Variants in ZNF486 observed in about 807,000 individuals in gnomAD.
The protein encoded by ZNF486 is KRAB box only protein 2.
Under a neutral mutation model 12.8 loss-of-function variants are expected in ZNF486, and 12 were observed. That is an observed-to-expected ratio of 0.94 (90% CI 0.60 to 1.52). The LOEUF (loss-of-function observed/expected upper bound fraction) is 1.52, where lower values mean the gene tolerates loss of function less well. Ranked by LOEUF, ZNF486 falls within the 40% of genes most tolerant of loss-of-function variation. The pLI, the probability that ZNF486 is intolerant of heterozygous loss-of-function variation, is 0.00. For synonymous variants in ZNF486, 231 were observed against 184.9 expected (o/e 1.25, Z -2.02); for missense variants, 738 against 545.0 (o/e 1.35, Z -3.53).
At chr19:20,187,725 G>A (rs1289485382) in intron 3 of ZNF486, among the ~76,000 whole-genome samples, 2 of 151,926 alleles carry the variant, frequency 1.3e-5, no homozygotes, top group East Asian at 1.9e-4. Context: ...GGATGGTCTC[G>A]ATCTCCTGAC....
chr19:20,178,118 G>A (rs1281390135), intron 1 of ZNF486, among the ~76,000 whole-genome samples: 2 of 149,096 alleles, frequency 1.3e-5, no homozygotes, highest in Non-Finnish European at 3.0e-5. Flanking sequence ...TAGTAGAGAT[G>A]GGTTTTACCA....
rs563600608 is a variant in ZNF486 at position 20,173,657 on chromosome 19, A to T, written c.30+6297A>T. Among the ~76,000 whole-genome samples, 9 of 152,084 alleles carry T rather than the reference A, an allele frequency of 5.9e-5. No homozygotes were observed. In the East Asian group the frequency reaches 1.6e-3, roughly 26 times the overall value. On this transcript the variant is annotated intron_variant, in intron 1 of 3. Coordinates refer to ENST00000335117, the MANE Select transcript of ZNF486 (RefSeq NM_052852.4). ...CATCCTGGCTAACATAGTGATACCC[A>T]TCTCTACTAAAAATACAAAAAAAAA...
chr19:20,197,547 T>C lies in ZNF486; in HGVS notation c.837T>C (p.Tyr279=), dbSNP rs1555718244. 12 of 1,608,336 alleles carry C rather than the reference T, an allele frequency of 7.5e-6. No homozygotes were observed. The highest frequency in any genetic ancestry group is 1.0e-5 in the Non-Finnish European group (12 of 1,178,066). ...EECGKAFMYP[Y]TLTTHKIIHT... ...GTGGCAAAGCCTTTATGTACCCCTA[T>C]ACCCTTACTACACATAAGATAATCC... The change falls in exon 4 of 4, where the codon TAT becomes TAC. Residue 279 remains tyrosine (Y), a synonymous_variant. Transcript: ENST00000335117.
At chr19:20,173,326 C>G (rs534946514) in intron 1 of ZNF486, among the ~76,000 whole-genome samples, 63 of 152,230 alleles carry the variant, frequency 4.1e-4, no homozygotes, top group Admixed American at 1.0e-3. Flanking sequence ...GAGAATCCTT[C>G]CCACATTTCT....
rs78272693 is a variant in ZNF486 at position 20,182,684 on chromosome 19, G to C, written c.31-1672G>C. On this transcript the variant is annotated intron_variant, in intron 1 of 3. Transcript: ENST00000335117. Reference sequence around the variant, plus strand: ...GAGGGCACCTGAGGACAGGAAATGAGAAACTTATATTTCTATCTTCATGGA... The same window carrying C: ...GAGGGCACCTGAGGACAGGAAATGACAAACTTATATTTCTATCTTCATGGA... 7.8e-3 allele frequency among the ~76,000 whole-genome samples: 1,190 copies of C among 152,228 alleles called. 16 individuals are homozygous for C. The highest frequency in any genetic ancestry group is 0.027 in the African/African-American group (1,130 of 41,532).
rs574935076 is a variant in ZNF486 at position 20,194,677 on chromosome 19, A to C, written c.254-2287A>C. The stretch of plus-strand genomic sequence containing the variant: ...CGGGAGTTGGAGGTTGCAGTGAGCC[A>C]AGATTGCATCATTGCACTCCAGCTT... On this transcript the variant is annotated intron_variant, in intron 3 of 3. Transcript: ENST00000335117. Among the ~76,000 whole-genome samples the C allele has an allele frequency of 6.8e-4, 103 of 152,252 alleles. 1 individual carries two copies. The South Asian group carries it at 0.02, about 30-fold the overall frequency.
intron 1 of ZNF486, among the ~76,000 whole-genome samples, chr19:20,179,273 A>T (rs1373091368): frequency 6.6e-6 from 1 of 152,226 alleles, no homozygotes; most frequent in East Asian, 1.9e-4. Flanking sequence ...TCTAATCAAT[A>T]ATCAATGTTA....
intron 1 of ZNF486, among the ~76,000 whole-genome samples, chr19:20,179,566 T>A (rs2089762011): frequency 6.6e-6 from 1 of 152,102 alleles, no homozygotes; most frequent in African/African-American, 2.4e-5. Flanking sequence ...CCACTTGGTG[T>A]AACACAAAAG....
intron 1 of ZNF486, among the ~76,000 whole-genome samples, chr19:20,171,038 T>C (rs1456178526): frequency 1.3e-5 from 2 of 152,160 alleles, no homozygotes; most frequent in Admixed American, 6.5e-5. Flanking sequence ...GTGAGGACAA[T>C]GTTGTGGGAC....
intron 1 of ZNF486, among the ~76,000 whole-genome samples, chr19:20,179,454 T>C (rs546963054): frequency 6.6e-6 from 1 of 152,304 alleles, no homozygotes; most frequent in East Asian, 1.9e-4. Flanking sequence ...CCAAATAAAC[T>C]GTCTACTTAT....
chr19:20,185,403 T>TG (rs2089831073), intron 2 of ZNF486, among the ~76,000 whole-genome samples: 1 of 142,874 alleles, frequency 7.0e-6, no homozygotes, highest in South Asian at 2.2e-4. Context: ...GTATTGTTTA[T>TG]GTTTTTTTTT....
chr19:20,193,817 T>C (rs967254088), intron 3 of ZNF486, among the ~76,000 whole-genome samples: 1 of 152,144 alleles, frequency 6.6e-6, no homozygotes, highest in Non-Finnish European at 1.5e-5. Flanking sequence ...TGTGTTTTTT[T>C]AATTTTTTGT....
intron 3 of ZNF486, among the ~76,000 whole-genome samples, chr19:20,196,610 A>G (rs1200925307): frequency 6.6e-6 from 1 of 150,716 alleles, no homozygotes; most frequent in Non-Finnish European, 1.5e-5. Flanking sequence ...TATTACAGGA[A>G]TGAGCCACTG....
chr19:20,174,700 A>G (rs961216534), intron 1 of ZNF486, among the ~76,000 whole-genome samples: 3 of 152,220 alleles, frequency 2.0e-5, no homozygotes, highest in African/African-American at 4.8e-5. Context: ...CTAAAATAGT[A>G]TGAATATAAA....
In ZNF486 at chr19:20,198,157, C is replaced by T; in HGVS notation, c.*55C>T. ...TTGAGAGGTAATTCTGCTGTTGTTT[C>T]CCAGGCTGGAGTGCAATGGCATAAT... On this transcript the variant is annotated 3_prime_UTR_variant, in exon 4 of 4. Transcript: ENST00000335117. 6.8e-7 allele frequency: 1 copy of T among 1,468,400 alleles called. No homozygotes were observed. Among genetic ancestry groups the T allele is most frequent in the Non-Finnish European group, 9.1e-7 (1 of 1,101,322 alleles). The allele number at this position is 1,468,400 out of a possible 1,614,324, so 91.0% of individuals were successfully genotyped here. A position where few individuals can be genotyped will look rare whatever the true frequency, so the allele number is the denominator to read the frequency against.
rs781785418 is a variant in ZNF486, at chr19:20,197,895, A to G, written c.1185A>G (p.Lys395=). 2.7e-5 allele frequency: 44 copies of G among 1,613,308 alleles called. 1 individual carries two copies. In the South Asian group the frequency reaches 4.5e-4, roughly 17 times the overall value. The change falls in exon 4 of 4, where the codon AAA becomes AAG. Residue 395 remains lysine, a synonymous_variant. Coordinates refer to ENST00000335117, the MANE Select transcript of ZNF486 (RefSeq NM_052852.4). ...KAFTWSAGLH[K]HRRTHTGEKP... ...TTACATGGTCTGCAGGCCTCCATAA[A>G]CATAGGAGAACTCATACTGGAGAGA...
Position 20,197,250 on chromosome 19 carries a change from A to T in ZNF486, c.540A>T (p.Lys180Asn), listed in dbSNP as rs782298515. The change falls in exon 4 of 4, where the codon AAA becomes AAT. Residue 180 changes from lysine (K) to asparagine (N), a missense_variant. Lys to Asn is a moderately conservative substitution (Grantham distance 94). Transcript: ENST00000335117. ...KRHKRRHTEK[K>N]PLKYIEGDKA... is the part of the protein sequence containing the mutation. ...ATAAAAGAAGACATACTGAAAAAAA[A>T]CCTTTGAAATATATAGAAGGTGACA... 1.2e-6 allele frequency: 2 copies of T among 1,611,916 alleles called. No homozygotes were observed. Among genetic ancestry groups the T allele is most frequent in the Admixed American group, 1.7e-5 (1 of 59,430 alleles).
At chr19:20,183,310 C>T (rs1279519195) in intron 1 of ZNF486, among the ~76,000 whole-genome samples, 1 of 152,128 alleles carries the variant, frequency 6.6e-6, no homozygotes, top group Non-Finnish European at 1.5e-5. Context: ...TCTGTATGTT[C>T]CATTAGCTCT....
intron 1 of ZNF486, among the ~76,000 whole-genome samples, chr19:20,174,491 C>G (rs948440174): frequency 6.6e-6 from 1 of 151,808 alleles, no homozygotes; most frequent in Non-Finnish European, 1.5e-5. Flanking sequence ...CGGGTTCAAG[C>G]GATTCTCCTG....
Sources: allele counts gnomAD v4.1 joint callset (sites outside exome capture counted in the v4.1 genomes callset), GRCh38; gene constraint gnomAD v4.1.1; transcripts MANE v1.5; gene names NCBI Gene and HGNC (gene_info 2026-07-23, HGNC 2026-07-21).